Variants in PDE1C observed in about 807,000 individuals in gnomAD.
PDE1C encodes phosphodiesterase 1C.
In PDE1C, 62 loss-of-function variants were observed where a neutral mutation model predicts 93.1. The observed-to-expected ratio is 0.67, with a 90% CI of 0.54 to 0.82. The LOEUF is 0.82. Among genes scored for constraint, PDE1C ranks in the 40% least tolerant of loss-of-function variants. The pLI, the probability that PDE1C is intolerant of heterozygous loss-of-function variation, is 0.00. For synonymous variants in PDE1C, 325 were observed against 310.1 expected (o/e 1.05, Z -0.50); for missense variants, 742 against 884.6 (o/e 0.84, Z 2.04).
At chr7:32,253,851 C>A (rs1809577971) in intron 1 of PDE1C, among the ~76,000 whole-genome samples, 1 of 152,150 alleles carries the variant, frequency 6.6e-6, no homozygotes, top group African/African-American at 2.4e-5. Flanking sequence ...AGAATTTGAT[C>A]AGAGATCAAT....
At chr7:31,703,836 G>A in the PDE1C span, among the ~76,000 whole-genome samples, 2 of 152,184 alleles carry the variant, frequency 1.3e-5, no homozygotes, top group African/African-American at 4.8e-5. Context: ...CTTAGTTAAT[G>A]AGCTTACTTG....
chr7:32,083,601 G>A (rs573511423), intron 3 of PDE1C, among the ~76,000 whole-genome samples: 12 of 152,306 alleles, frequency 7.9e-5, no homozygotes, highest in East Asian at 1.9e-4. Context: ...CAGCCAGAGA[G>A]AAAGGTCGGA....
chr7:32,400,151 GTAT>G (rs1348110655), intron 1 of PDE1C, among the ~76,000 whole-genome samples: 1 of 152,098 alleles, frequency 6.6e-6, no homozygotes, highest in Non-Finnish European at 1.5e-5. Context: ...TATTCACACC[GTAT>G]TATTATTAAT....
intron 1 of PDE1C, among the ~76,000 whole-genome samples, chr7:32,276,954 C>T (rs185262304): frequency 3.7e-4 from 57 of 152,236 alleles, no homozygotes; most frequent in Admixed American, 2.6e-4. Flanking sequence ...CCCCATATCA[C>T]GCAAAAGCTG....
chr7:31,894,569 G>A (rs1053803605), intron 2 of PDE1C, among the ~76,000 whole-genome samples: 1 of 152,154 alleles, frequency 6.6e-6, no homozygotes, highest in African/African-American at 2.4e-5. Context: ...ACTTGCTGTG[G>A]ACCAGGTGCA....
At chr7:32,317,649 A>C (rs1783203939) in intron 1 of PDE1C, among the ~76,000 whole-genome samples, 1 of 151,728 alleles carries the variant, frequency 6.6e-6, no homozygotes, top group Non-Finnish European at 1.5e-5. Flanking sequence ...TTTTCATCCT[A>C]CCCATAGCCA....
At chr7:31,937,487 C>T (rs1043751036) in intron 2 of PDE1C, among the ~76,000 whole-genome samples, 2 of 152,152 alleles carry the variant, frequency 1.3e-5, no homozygotes, top group Non-Finnish European at 2.9e-5. Flanking sequence ...AGAGTATAAA[C>T]AGGCATGTCC....
At chr7:32,060,414 G>C (rs115376275) in intron 1 of PDE1C, among the ~76,000 whole-genome samples, 2 of 152,128 alleles carry the variant, frequency 1.3e-5, no homozygotes, top group African/African-American at 4.8e-5. Context: ...GGCTCCTTGG[G>C]AGCATGAGTC....
At chr7:31,724,350 C>G in the PDE1C span, among the ~76,000 whole-genome samples, 303 of 152,286 alleles carry the variant, frequency 2.0e-3, 1 homozygote, top group Non-Finnish European at 3.4e-3. Context: ...TCTATGTCCC[C>G]TCACCTCTTG....
chr7:31,741,986 T>G, the PDE1C span, among the ~76,000 whole-genome samples: 2 of 152,208 alleles, frequency 1.3e-5, no homozygotes, highest in Non-Finnish European at 2.9e-5. Context: ...GCCCACTGGA[T>G]GAGAGCTCCG....
intron 1 of PDE1C, among the ~76,000 whole-genome samples, chr7:32,251,034 A>G (rs1039184584): frequency 6.6e-6 from 1 of 152,380 alleles, no homozygotes. Flanking sequence ...AAAGAAAATG[A>G]CGGATTATCA....
chr7:31,648,820 G>T, the PDE1C span, among the ~76,000 whole-genome samples: 14 of 152,206 alleles, frequency 9.2e-5, no homozygotes, highest in Non-Finnish European at 1.5e-4. Flanking sequence ...CAGCTATACT[G>T]TGGTCCCTGC....
At chr7:31,692,896 CAATAA>C in the PDE1C span, among the ~76,000 whole-genome samples, 1 of 152,154 alleles carries the variant, frequency 6.6e-6, no homozygotes, top group Non-Finnish European at 1.5e-5. Flanking sequence ...TGTGCAGTGC[CAATAA>C]AATATTTCAA....
chr7:32,176,689 GCACACACACGTACT>G (rs1256294648), intron 2 of PDE1C, among the ~76,000 whole-genome samples: 11 of 132,474 alleles, frequency 8.3e-5, no homozygotes, highest in Non-Finnish European at 1.7e-4. Flanking sequence ...CTCTAAATAT[GCACACACACGTACT>G]CACACACACA....
At chr7:32,327,262 A>G (rs1783421424) in intron 1 of PDE1C, among the ~76,000 whole-genome samples, 1 of 152,206 alleles carries the variant, frequency 6.6e-6, no homozygotes, top group African/African-American at 2.4e-5. Context: ...TTATTGAAGC[A>G]TAACATGTGC....
rs775813331 is a variant in PDE1C at position 31,900,031 on chromosome 7, CT to C, written c.129-19172del. Among the ~76,000 whole-genome samples the C allele has an allele frequency of 2.4e-3, 365 of 152,288 alleles. 2 individuals carry two copies. The highest frequency in any genetic ancestry group is 4.2e-3 in the Non-Finnish European group (286 of 68,026). ...CAAAATGTCAGTTACGCCAAGAAAC[CT>C]CACTCCAAGAAAAGCGAAAGTGTAG... On this transcript the variant is annotated intron_variant, in intron 2 of 17. Coordinates refer to ENST00000396191, the MANE Select transcript of PDE1C (RefSeq NM_001191057.4).
At chr7:32,142,403 G>A (rs1563348105) in intron 3 of PDE1C, among the ~76,000 whole-genome samples, 1 of 152,118 alleles carries the variant, frequency 6.6e-6, no homozygotes, top group Non-Finnish European at 1.5e-5. Flanking sequence ...TATGTTTGGG[G>A]TACTTTGCTC....
chr7:31,899,814 T>TATAG (rs1278518711), intron 2 of PDE1C, among the ~76,000 whole-genome samples: 1 of 152,170 alleles, frequency 6.6e-6, no homozygotes, highest in Non-Finnish European at 1.5e-5. Context: ...TGTTCCCCAT[T>TATAG]ATAGTCTCAT....
chr7:32,287,459 G>A (rs1056557780), intron 1 of PDE1C, among the ~76,000 whole-genome samples: 1 of 152,208 alleles, frequency 6.6e-6, no homozygotes, highest in African/African-American at 2.4e-5. Flanking sequence ...CATGACCACA[G>A]CACCCTGGCC....
Sources: gnomAD v4.1 joint callset for allele counts (sites outside exome capture counted in the v4.1 genomes callset) on GRCh38, gnomAD v4.1.1 for gene constraint, MANE v1.5 for transcripts, NCBI Gene and HGNC (gene_info 2026-07-23, HGNC 2026-07-21) for gene names.